The following DLG2 variants were observed in gnomAD, a reference collection of about 807,000 sequenced individuals.
The protein encoded by DLG2 is disks large homolog 2.
In DLG2, 45 loss-of-function variants were observed where a neutral mutation model predicts 132.5. The ratio of observed to expected loss-of-function variants is 0.34; its 90% CI spans 0.27 to 0.44. The LOEUF is 0.44. Among genes scored for constraint, DLG2 ranks in the 20% least tolerant of loss-of-function variants. The pLI is 1.00. For synonymous variants in DLG2, 424 were observed against 419.6 expected, an observed-to-expected ratio of 1.01 and a Z score of -0.13; for missense variants, 1,045 against 1,196.9, an observed-to-expected ratio of 0.87 and a Z score of 1.87.
chr11:85,580,100 ACT>A (rs750786891), intron 3 of DLG2, among the ~76,000 whole-genome samples: 1 of 151,480 alleles, frequency 6.6e-6, no homozygotes, highest in African/African-American at 2.4e-5. Flanking sequence ...CCCACTGCAC[ACT>A]CTCTCTCTCT....
chr11:83,871,813 TATAAAC>T (rs1380235317), intron 16 of DLG2, among the ~76,000 whole-genome samples: 1 of 152,212 alleles, frequency 6.6e-6, no homozygotes, highest in African/African-American at 2.4e-5. Flanking sequence ...AACAAATACA[TATAAAC>T]ATATTTAAAA....
chr11:85,122,980 T>TATATATATATA (rs1169673884), intron 5 of DLG2, among the ~76,000 whole-genome samples: 864 of 27,192 alleles, frequency 0.032, 23 homozygotes, highest in Non-Finnish European at 0.043. Flanking sequence ...TTTTTTTTTT[T>TATATATATATA]TTTTTTTTTT....
chr11:84,057,487 T>C (rs538431538), intron 11 of DLG2, among the ~76,000 whole-genome samples: 1 of 152,182 alleles, frequency 6.6e-6, no homozygotes, highest in African/African-American at 2.4e-5. Context: ...AATGTGAGGG[T>C]TGAAAGTCTT....
intron 6 of DLG2, among the ~76,000 whole-genome samples, chr11:85,069,073 T>C (rs572203216): frequency 1.3e-5 from 2 of 151,632 alleles, no homozygotes; most frequent in South Asian, 2.1e-4. Flanking sequence ...ATTTAATAAA[T>C]GGTGCTTGGA....
chr11:84,545,110 A>T (rs188296354), intron 6 of DLG2: 56 of 450,420 alleles, frequency 1.2e-4, no homozygotes, highest in East Asian at 1.0e-3. Flanking sequence ...TCTCACGCTA[A>T]GCTTTGTTTC....
chr11:83,501,972 T>C (rs1402129930), intron 21 of DLG2, among the ~76,000 whole-genome samples: 1 of 152,190 alleles, frequency 6.6e-6, no homozygotes, highest in African/African-American at 2.4e-5. Flanking sequence ...GAGGATCTTA[T>C]CTTAAAATTT....
chr11:84,707,116 G>A (rs2059866792), intron 6 of DLG2, among the ~76,000 whole-genome samples: 1 of 151,522 alleles, frequency 6.6e-6, no homozygotes, highest in Admixed American at 6.6e-5. Context: ...ATGAATGAGG[G>A]TCTGGCAACA....
At chr11:84,399,557 C>A (rs1038641615) in intron 7 of DLG2, among the ~76,000 whole-genome samples, 3 of 152,096 alleles carry the variant, frequency 2.0e-5, no homozygotes, top group Admixed American at 6.5e-5. Flanking sequence ...TCACGAGTAG[C>A]TGGGACTACC....
intron 6 of DLG2, among the ~76,000 whole-genome samples, chr11:84,721,522 A>C (rs192219442): frequency 1.8e-4 from 26 of 147,026 alleles, no homozygotes; most frequent in Admixed American, 1.6e-3. Flanking sequence ...TTTTTAACTG[A>C]GGCTGTCAAA....
chr11:84,734,392 T>C (rs1426540199), intron 6 of DLG2, among the ~76,000 whole-genome samples: 1 of 152,188 alleles, frequency 6.6e-6, no homozygotes, highest in Non-Finnish European at 1.5e-5. Context: ...TTTACTCTCT[T>C]TGAAGCAATT....
chr11:85,131,919 T>C (rs1158745655), intron 5 of DLG2, among the ~76,000 whole-genome samples: 18 of 152,160 alleles, frequency 1.2e-4, no homozygotes. Context: ...AAAGATATGG[T>C]TCAAATTAAC....
intron 14 of DLG2, among the ~76,000 whole-genome samples, chr11:83,940,973 C>A (rs1057103211): frequency 2.6e-5 from 4 of 152,220 alleles, no homozygotes; most frequent in Admixed American, 6.5e-5. Context: ...TTATACATCT[C>A]TCTTGTCATG....
chr11:83,543,641 T>TGTATGG (rs2096151078), intron 19 of DLG2, among the ~76,000 whole-genome samples: 1 of 152,166 alleles, frequency 6.6e-6, no homozygotes, highest in South Asian at 2.1e-4. Flanking sequence ...ATGGAGTTGC[T>TGTATGG]GTATGGGTAA....
chr11:84,051,876 T>C (rs2096391948), intron 11 of DLG2, among the ~76,000 whole-genome samples: 1 of 151,800 alleles, frequency 6.6e-6, no homozygotes, highest in South Asian at 2.1e-4. Flanking sequence ...AAAAGGTATA[T>C]GCCTGATTTA....
intron 6 of DLG2, among the ~76,000 whole-genome samples, chr11:84,904,222 T>C (rs1362788725): frequency 1.3e-5 from 2 of 152,150 alleles, no homozygotes; most frequent in Non-Finnish European, 2.9e-5. Flanking sequence ...CTCTGGAACA[T>C]AATGGTGCAA....
chr11:85,591,746 AAAG>A (rs1294026491), intron 3 of DLG2, among the ~76,000 whole-genome samples: 48 of 152,208 alleles, frequency 3.2e-4, no homozygotes, highest in African/African-American at 1.0e-3. Context: ...CATCTCAAAA[AAAG>A]AAGGAGAAAG....
At chr11:84,970,870 T>C (rs866686681) in intron 6 of DLG2, among the ~76,000 whole-genome samples, 3 of 152,184 alleles carry the variant, frequency 2.0e-5, no homozygotes, top group Non-Finnish European at 4.4e-5. Flanking sequence ...GGAAGCTTTA[T>C]TAGAGGATAG....
chr11:84,792,098 G>A (rs1374505272), intron 6 of DLG2, among the ~76,000 whole-genome samples: 2 of 152,098 alleles, frequency 1.3e-5, no homozygotes, highest in South Asian at 2.1e-4. Context: ...TTATGTTGTA[G>A]TATGTTCCTT....
At chr11:85,317,908 A>C (rs2080801010) in intron 3 of DLG2, among the ~76,000 whole-genome samples, 1 of 151,918 alleles carries the variant, frequency 6.6e-6, no homozygotes, top group African/African-American at 2.4e-5. Context: ...AACCTAAAAA[A>C]AAAATAGCAC....
Sources: gnomAD v4.1 joint callset for allele counts (sites outside exome capture counted in the v4.1 genomes callset) on GRCh38, gnomAD v4.1.1 for gene constraint, MANE v1.5 for transcripts, NCBI Gene and HGNC (gene_info 2026-07-23, HGNC 2026-07-21) for gene names.